The following BRINP1 variants were observed in gnomAD, a reference collection of about 807,000 sequenced individuals.
The protein encoded by BRINP1 is BMP/retinoic acid inducible neural specific 1, also known as BMP/retinoic acid-inducible neural-specific protein 1.
In BRINP1, 17 loss-of-function variants were observed where a neutral mutation model predicts 72.9. The observed-to-expected ratio is 0.23, with a 90% confidence interval of 0.16 to 0.35. BRINP1 has a LOEUF of 0.35. Among genes scored for constraint, BRINP1 ranks in the 10% least tolerant of loss-of-function variants. The pLI, the probability that BRINP1 is intolerant of heterozygous loss-of-function variation, is 1.00. For missense variants in BRINP1, 850 were observed against 1,001.6 expected (o/e 0.85, Z 2.04); for synonymous variants, 418 against 378.5 (o/e 1.10, Z -1.21).
At chr9:119,298,951 A>C (rs1340361965) in intron 2 of BRINP1, among the ~76,000 whole-genome samples, 6 of 152,168 alleles carry the variant, frequency 3.9e-5, no homozygotes, top group African/African-American at 1.4e-4. Context: ...TTAACTGAGA[A>C]GTAAAAATTG....
chr9:119,330,318 C>T (rs1406900125), intron 1 of BRINP1, among the ~76,000 whole-genome samples: 1 of 152,168 alleles, frequency 6.6e-6, no homozygotes, highest in African/African-American at 2.4e-5. Context: ...CCAAACTCAC[C>T]TCACCACCAT....
intron 2 of BRINP1, among the ~76,000 whole-genome samples, chr9:119,273,012 C>T (rs568018986): frequency 6.6e-6 from 1 of 152,302 alleles, no homozygotes; most frequent in African/African-American, 2.4e-5. Context: ...GTGCTGAAAT[C>T]AGGCCAGCAG....
chr9:119,334,627 T>A (rs1301538961), intron 1 of BRINP1, among the ~76,000 whole-genome samples: 1 of 152,110 alleles, frequency 6.6e-6, no homozygotes, highest in African/African-American at 2.4e-5. Flanking sequence ...GCAACTGATA[T>A]CCCTAAATCT....
Position 119,167,020 on chromosome 9 carries a change from T to G in BRINP1, c.*64A>C. ...TTTTGTGGGTTTTTTTGTTTTGTTT[T>G]GCTTCATTTTGTTCTGTTGTGTGTG... On this transcript the variant is annotated 3_prime_UTR_variant, in exon 8 of 8. Transcript: ENST00000265922. This position sits in a 1 kb window ranked among gnomAD's most constrained non-coding sequence, Gnocchi z 4.3. The G allele has an allele frequency of 6.8e-7, 1 of 1,470,846 alleles. No homozygotes were observed. The highest frequency in any genetic ancestry group is 9.1e-7 in the Non-Finnish European group (1 of 1,098,720). 91.1% of individuals were successfully genotyped at this position (1,470,846 alleles called of 1,614,324 possible).
intron 7 of BRINP1, among the ~76,000 whole-genome samples, chr9:119,179,800 C>G (rs560177147): frequency 6.6e-6 from 1 of 152,294 alleles, no homozygotes; most frequent in Non-Finnish European, 1.5e-5. Context: ...ATTCCCTGCC[C>G]TCTAAACCCC....
At chr9:119,364,416 C>A (rs147789688) in intron 1 of BRINP1, among the ~76,000 whole-genome samples, 1 of 152,158 alleles carries the variant, frequency 6.6e-6, no homozygotes, top group East Asian at 1.9e-4. Flanking sequence ...AAAAAGGACT[C>A]GTCATTCCTG....
At chr9:119,357,186 A>C (rs1225526810) in intron 1 of BRINP1, among the ~76,000 whole-genome samples, 2 of 152,226 alleles carry the variant, frequency 1.3e-5, no homozygotes, top group Non-Finnish European at 2.9e-5. Flanking sequence ...CTGGTATATC[A>C]GCTGCTCTTC....
chr9:119,338,900 C>CA lies in BRINP1; in HGVS notation c.-50-25496dup, dbSNP rs375121786. On this transcript the variant is annotated intron_variant, in intron 1 of 7. Coordinates refer to ENST00000265922, the MANE Select transcript of BRINP1 (RefSeq NM_014618.3). ...ACTCCGTCTCAAAAAAAACAAAAAA[C>CA]AAAAAAAAACAACAACAAAAACACA... 8.9e-3 allele frequency among the ~76,000 whole-genome samples: 1,038 copies of CA among 116,344 alleles called. 8 individuals carry two copies. The highest frequency in any genetic ancestry group is 0.014 in the African/African-American group (430 of 31,834). The allele number at this position is 116,344 out of a possible 152,430, so 76.3% of individuals were successfully genotyped here.
intron 1 of BRINP1, among the ~76,000 whole-genome samples, chr9:119,341,737 C>T (rs986297116): frequency 7.2e-5 from 11 of 152,092 alleles, no homozygotes; most frequent in Admixed American, 5.9e-4. Flanking sequence ...TGGTAAGTAA[C>T]GCCATTATAA....
intron 7 of BRINP1, among the ~76,000 whole-genome samples, chr9:119,181,232 G>T (rs1011041294): frequency 6.6e-6 from 1 of 152,140 alleles, no homozygotes; most frequent in Non-Finnish European, 1.5e-5. Context: ...TATAATAACA[G>T]ACTTCAACCA....
intron 7 of BRINP1, among the ~76,000 whole-genome samples, chr9:119,172,951 T>C (rs1410302715): frequency 2.0e-5 from 3 of 150,668 alleles, no homozygotes; most frequent in Admixed American, 6.6e-5. Flanking sequence ...CTAAAAACTC[T>C]CAATAAATTA....
chr9:119,340,478 C>A (rs1208300461), intron 1 of BRINP1, among the ~76,000 whole-genome samples: 5 of 151,984 alleles, frequency 3.3e-5, no homozygotes, highest in Non-Finnish European at 7.4e-5. Flanking sequence ...AGGGACAGAT[C>A]CAGGAGCTGC....
At position 119,247,219 on chromosome 9, in the gene BRINP1, C is replaced by T. The variant is rs549179992; in HGVS notation, c.409+1741G>A. 3.9e-5 allele frequency among the ~76,000 whole-genome samples: 6 copies of T among 152,272 alleles called. No homozygotes were observed. In the South Asian group the frequency reaches 1.2e-3, roughly 32 times the overall value. ...AAATGAATTCATTTTCACTTTACAA[C>T]AGAATAGAATTTACACTAATGATTT... On this transcript the variant is annotated intron_variant, in intron 3 of 7. Coordinates refer to ENST00000265922, the MANE Select transcript of BRINP1 (RefSeq NM_014618.3).
chr9:119,286,669 G>A (rs1222222716), intron 2 of BRINP1, among the ~76,000 whole-genome samples: 2 of 152,170 alleles, frequency 1.3e-5, no homozygotes, highest in African/African-American at 4.8e-5. Context: ...GTGTAGACAA[G>A]ATAATTGACA....
Position 119,167,414 on chromosome 9 carries a change from G to C in BRINP1, c.1956C>G (p.Ile652Met), listed in dbSNP as rs781679077. ...DPSKRQFYIK[I>M]SDVQVFGYSL... is the part of the protein sequence containing the mutation. ...TATACCCAAACACCTGCACGTCTGAGATCTTGATGTAGAACTGCCTCTTGG... is the reference window on the plus strand; with the variant it reads ...TATACCCAAACACCTGCACGTCTGACATCTTGATGTAGAACTGCCTCTTGG... Residue 652 changes from isoleucine (I) to methionine (M), a missense_variant, in exon 8 of 8, where the codon ATC (isoleucine) becomes ATG (methionine). By Grantham distance (10) the Ile-to-Met change is conservative (BLOSUM62 1). Coordinates refer to ENST00000265922, the MANE Select transcript of BRINP1 (RefSeq NM_014618.3). The surrounding 1 kb of genome is among the most constrained non-coding windows in gnomAD (Gnocchi z 4.3). 4.3e-6 allele frequency: 7 copies of C among 1,613,964 alleles called. No homozygotes were observed. The highest frequency in any genetic ancestry group is 3.3e-5 in the Admixed American group (2 of 60,000).
intron 2 of BRINP1, among the ~76,000 whole-genome samples, chr9:119,250,618 C>T (rs976951135): frequency 6.6e-6 from 1 of 152,134 alleles, no homozygotes; most frequent in Non-Finnish European, 1.5e-5. Context: ...CTCACAAGTT[C>T]CCAGACATGT....
chr9:119,303,180 CA>C (rs1830957433), intron 2 of BRINP1, among the ~76,000 whole-genome samples: 1 of 152,206 alleles, frequency 6.6e-6, no homozygotes, highest in African/African-American at 2.4e-5. Flanking sequence ...GAGGCTGTCA[CA>C]AGTGCTCAGC....
At chr9:119,192,184 T>C (rs926215332) in intron 7 of BRINP1, among the ~76,000 whole-genome samples, 14 of 151,874 alleles carry the variant, frequency 9.2e-5, no homozygotes, top group African/African-American at 3.1e-4. Flanking sequence ...CTCCTCAACG[T>C]TGGCCTTAGC....
intron 7 of BRINP1, among the ~76,000 whole-genome samples, chr9:119,196,392 C>T (rs999123130): frequency 6.6e-6 from 1 of 152,084 alleles, no homozygotes; most frequent in Admixed American, 6.6e-5. Context: ...CCTCTTACAC[C>T]CAAAAGAGAG....
Sources: allele counts gnomAD v4.1 joint callset (sites outside exome capture counted in the v4.1 genomes callset), GRCh38; gene constraint gnomAD v4.1.1; non-coding constraint Gnocchi (gnomAD v3.1); transcripts MANE v1.5; gene names NCBI Gene and HGNC (gene_info 2026-07-23, HGNC 2026-07-21).